Variants in LONRF2 observed in about 807,000 individuals in gnomAD.
LONRF2 encodes the protein LON peptidase N-terminal domain and ring finger 2.
Under a neutral mutation model 66.6 loss-of-function variants are expected in LONRF2, and 35 were observed. The observed-to-expected ratio is 0.53, with a 90% CI of 0.40 to 0.70. LONRF2 has a LOEUF of 0.70. Among genes scored for constraint, LONRF2 ranks in the 30% least tolerant of loss-of-function variants. The pLI, the probability that LONRF2 is intolerant of heterozygous loss-of-function variation, is 0.00. For synonymous variants in LONRF2, 417 were observed against 418.1 expected, an observed-to-expected ratio of 1.00 and a Z score of 0.03; for missense variants, 902 against 1,002.1, an observed-to-expected ratio of 0.90 and a Z score of 1.35.
chr2:100,322,123 G>GA lies in LONRF2; in HGVS notation c.-31dup. The GA allele has an allele frequency of 8.1e-7, 1 of 1,238,244 alleles. No individual in the cohort carries two copies. Among genetic ancestry groups the GA allele is most frequent in the Non-Finnish European group, 1.0e-6 (1 of 991,574 alleles). 76.7% of individuals were successfully genotyped at this position (1,238,244 alleles called of 1,614,324 possible). ...GCGGGGCTGCGACGACGCGGGTCCG[G>GA]AGCGAAGGCGCGGAGCAGGGAGGAT... On this transcript the variant is annotated 5_prime_UTR_variant, in exon 1 of 12. Coordinates refer to ENST00000393437, the MANE Select transcript of LONRF2 (RefSeq NM_198461.4).
Position 100,288,694 on chromosome 2 carries a change from TC to T in LONRF2, c.1920+1563del, listed in dbSNP as rs573476712. Among the ~76,000 whole-genome samples, 59 of 152,366 alleles carry T rather than the reference TC, an allele frequency of 3.9e-4. No individual in the cohort carries two copies. The South Asian group carries it at 0.012, about 31-fold the overall frequency. On this transcript the variant is annotated intron_variant, in intron 10 of 11. Coordinates refer to ENST00000393437, the MANE Select transcript of LONRF2 (RefSeq NM_198461.4). ...GTCCCCAGACTCTAGTTTTGCCTGT[TC>T]CTGGAAGTATACAGATGAAGCCACG...
chr2:100,292,276 A>C (rs1390731264), intron 9 of LONRF2, among the ~76,000 whole-genome samples: 2 of 152,344 alleles, frequency 1.3e-5, no homozygotes, highest in South Asian at 2.1e-4. Context: ...GCTGCAGGGC[A>C]TGACTCATCA....
At position 100,321,794 on chromosome 2, in the gene LONRF2, G is replaced by A. The variant is rs1231555223; in HGVS notation, c.300C>T (p.Gly100=). Residue 100 remains glycine, a synonymous_variant, in exon 1 of 12, where the codon GGC becomes GGT. Coordinates refer to ENST00000393437, the MANE Select transcript of LONRF2 (RefSeq NM_198461.4). ...LRPEELEELA[G]GLVRAVGLRD... is the part of the protein sequence containing the mutation. ...GCAGGCCCACGGCGCGCACCAGGCC[G>A]CCCGCCAGCTCTTCCAGCTCCTCCG... The A allele has an allele frequency of 9.4e-7, 1 of 1,062,702 alleles. No individual in the cohort carries two copies. Among genetic ancestry groups the A allele is most frequent in the Non-Finnish European group, 1.1e-6 (1 of 880,710 alleles). 65.8% of individuals were successfully genotyped at this position (1,062,702 alleles called of 1,614,324 possible).
At position 100,300,665 on chromosome 2, in the gene LONRF2, T is replaced by C; in HGVS notation, c.1044A>G (p.Glu348=). The C allele has an allele frequency of 6.2e-7, 1 of 1,612,050 alleles. No homozygotes were observed. Among genetic ancestry groups the C allele is most frequent in the South Asian group, 1.1e-5 (1 of 90,436 alleles). The change falls in exon 4 of 12, where the codon GAA becomes GAG. Residue 348 remains glutamate, a synonymous_variant. Transcript: ENST00000393437. The part of the protein sequence containing the change: ...SHMNAQALLE[E]GDAGSSENSS... ...ATACCTCCGAGCTCCCTGCATCACC[T>C]TCTTCCAGCAGAGCCTGGGCATTCA...
chr2:100,293,246 CTT>C (rs1351615775), intron 9 of LONRF2, among the ~76,000 whole-genome samples: 2 of 152,150 alleles, frequency 1.3e-5, no homozygotes, highest in African/African-American at 4.8e-5. Flanking sequence ...CATTTCTCTC[CTT>C]TGATTCAGAA....
At chr2:100,318,936 C>T (rs934941109) in intron 1 of LONRF2, among the ~76,000 whole-genome samples, 2 of 151,590 alleles carry the variant, frequency 1.3e-5, no homozygotes, top group Admixed American at 6.6e-5. Context: ...TTGAGACCAT[C>T]CTGGCCAACA....
At chr2:100,303,617 C>G (rs1675229573) in intron 2 of LONRF2, among the ~76,000 whole-genome samples, 1 of 152,156 alleles carries the variant, frequency 6.6e-6, no homozygotes, top group South Asian at 2.1e-4. Flanking sequence ...TCTCTTAGCA[C>G]TTGAAATATG....
At position 100,276,267 on chromosome 2, in the gene LONRF2, A is replaced by T. The variant is rs975306226; in HGVS notation, c.*8031T>A. ...ACACTGGGGCTCAAATTACAGTTAT[A>T]CCTGGAGATCCCACTAAATCTAAAC... is the stretch of plus-strand genomic sequence containing the variant. On this transcript the variant is annotated 3_prime_UTR_variant, in exon 12 of 12. Coordinates refer to ENST00000393437, the MANE Select transcript of LONRF2 (RefSeq NM_198461.4). 1 of 152,188 alleles carries T rather than the reference A, an allele frequency of 6.6e-6. No homozygotes were observed. Among genetic ancestry groups the T allele is most frequent in the African/African-American group, 2.4e-5 (1 of 41,438 alleles). The allele number at this position is 152,188 out of a possible 1,614,324, so 9.4% of individuals were successfully genotyped here.
At chr2:100,295,393 C>G (rs754188134) in intron 8 of LONRF2, 39 bp downstream of exon 8, 1 of 1,579,850 alleles carries the variant, frequency 6.3e-7, no homozygotes, top group Admixed American at 1.8e-5. Flanking sequence ...AAAGTTCAAT[C>G]TGAACTTAAG....
In LONRF2 at chr2:100,294,301, C is replaced by A; in HGVS notation, c.1685G>T (p.Arg562Leu). ...TTCCATGCATCTTCTTATCATAAGCCGATAGCGGGGCTCAAAAACGTGGAG... is the reference window on the plus strand; with the variant it reads ...TTCCATGCATCTTCTTATCATAAGCAGATAGCGGGGCTCAAAAACGTGGAG... ...CPLHVFEPRY[R>L]LMIRRCMETG... The change falls in exon 9 of 12, where the codon CGG becomes CTG. Residue 562 changes from arginine (R) to leucine (L), a missense_variant. By Grantham distance (102) the Arg-to-Leu change is moderately radical (BLOSUM62 -2). Transcript: ENST00000393437. 6.2e-7 allele frequency: 1 copy of A among 1,608,944 alleles called. No individual in the cohort carries two copies. The highest frequency in any genetic ancestry group is 8.5e-7 in the Non-Finnish European group (1 of 1,178,130).
At chr2:100,321,206 C>T (rs980881455) in intron 1 of LONRF2, among the ~76,000 whole-genome samples, 1 of 152,224 alleles carries the variant, frequency 6.6e-6, no homozygotes, top group African/African-American at 2.4e-5. Flanking sequence ...CTGGAAAAGA[C>T]AAAACCAGTG....
At position 100,298,889 on chromosome 2, in the gene LONRF2, G is replaced by A. The variant is rs1250891398; in HGVS notation, c.1423C>T (p.Arg475Cys). The A allele has an allele frequency of 2.5e-6, 4 of 1,614,022 alleles. No individual in the cohort carries two copies. The highest frequency in any genetic ancestry group is 1.3e-5 in the African/African-American group (1 of 74,926). The change falls in exon 7 of 12, where the codon CGC becomes TGC. Residue 475 changes from arginine (R) to cysteine (C), a missense_variant. This residue lies in a region of LONRF2 where 317 missense variants were observed against 432.2 expected (regional missense o/e 0.73). Transcript: ENST00000393437. ...GHTFCLKCLE[R>C]CLDHAPHCPL... is the part of the protein sequence containing the mutation. ...CAGTGTGGGGCGTGGTCAAGGCAGCGCTCAAGGCATTTTAGGCAAAATGTG... is the reference window on the plus strand; with the variant it reads ...CAGTGTGGGGCGTGGTCAAGGCAGCACTCAAGGCATTTTAGGCAAAATGTG...
chr2:100,293,122 G>A (rs1674995529), intron 9 of LONRF2, among the ~76,000 whole-genome samples: 1 of 152,160 alleles, frequency 6.6e-6, no homozygotes, highest in Non-Finnish European at 1.5e-5. Context: ...AAATCAGCTT[G>A]AGCAAGTCCA....
chr2:100,294,123 G>A, intron 9 of LONRF2, 106 bp downstream of exon 9: 1 of 1,328,734 alleles, frequency 7.5e-7, no homozygotes, highest in Non-Finnish European at 1.0e-6. Flanking sequence ...TTACGTAACG[G>A]GAGCCACTGG....
At position 100,295,486 on chromosome 2, in the gene LONRF2, T is replaced by G. The variant is rs763091386; in HGVS notation, c.1544A>C (p.Asp515Ala). The G allele has an allele frequency of 1.4e-5, 23 of 1,613,776 alleles. No homozygotes were observed. Among genetic ancestry groups the G allele is most frequent in the Non-Finnish European group, 1.9e-5 (23 of 1,179,804 alleles). Residue 515 changes from aspartate (D) to alanine (A), a missense_variant, in exon 8 of 12, where the codon GAT (aspartate) becomes GCT (alanine). By Grantham distance (126) the Asp-to-Ala change is moderately radical. This residue lies in a region of LONRF2 where 317 missense variants were observed against 432.2 expected (regional missense o/e 0.73). Transcript: ENST00000393437. Reference sequence around the variant, plus strand: ...AATTCTCTTCCTATCAGACAATTCATCCGGCAAATATCGAAATATTAATTC... The same window carrying G: ...AATTCTCTTCCTATCAGACAATTCAGCCGGCAAATATCGAAATATTAATTC... ...AEELIFRYLP[D>A]ELSDRKRIYD... is the part of the protein sequence containing the mutation.
rs72183271 is a variant in LONRF2 at position 100,297,128 on chromosome 2, C to CT, written c.1477-1576dup. Among the ~76,000 whole-genome samples, 68 of 146,512 alleles carry CT rather than the reference C, an allele frequency of 4.6e-4. 1 individual carries two copies. Among genetic ancestry groups the CT allele is most frequent in the Non-Finnish European group, 5.3e-4 (35 of 66,140 alleles). On this transcript the variant is annotated intron_variant, in intron 7 of 11. Coordinates refer to ENST00000393437, the MANE Select transcript of LONRF2 (RefSeq NM_198461.4). ...TCTCAGTACTTAAGCAGCTTCTATT[C>CT]TTTTTTTTTTTTCTTTTTGAGACAG...
intron 5 of LONRF2, 42 bp from the exon 6 acceptor site, chr2:100,299,361 G>T (rs1319357146): frequency 8.3e-7 from 1 of 1,200,030 alleles, no homozygotes; most frequent in Non-Finnish European, 1.2e-6. Flanking sequence ...TAACACCTAA[G>T]CACCTGAACA....
chr2:100,289,018 C>T (rs187837216), intron 10 of LONRF2, among the ~76,000 whole-genome samples: 5 of 152,260 alleles, frequency 3.3e-5, no homozygotes, highest in Admixed American at 3.3e-4. Context: ...CTATTAGACA[C>T]ATGAAAAAAT....
chr2:100,291,630 G>C (rs952107348), intron 9 of LONRF2, among the ~76,000 whole-genome samples: 1 of 152,012 alleles, frequency 6.6e-6, no homozygotes, highest in African/African-American at 2.4e-5. Flanking sequence ...CACTTGACAG[G>C]CTCCTGTCTG....
Sources: allele counts gnomAD v4.1 joint callset (sites outside exome capture counted in the v4.1 genomes callset), GRCh38; gene constraint gnomAD v4.1.1; regional missense constraint gnomAD v4.1.1; transcripts MANE v1.5; gene names NCBI Gene and HGNC (gene_info 2026-07-23, HGNC 2026-07-21).